The following UBE2H variants were observed in gnomAD, a reference collection of about 807,000 sequenced individuals.
UBE2H encodes the protein ubiquitin-conjugating enzyme E2 H.
A neutral mutation model predicts 29.0 loss-of-function variants in UBE2H; 3 were observed. The observed-to-expected ratio is 0.10, with a 90% CI of 0.05 to 0.27. The LOEUF (loss-of-function observed/expected upper bound fraction) is 0.27. Ranked by LOEUF, UBE2H falls within the 10% of genes least tolerant of loss-of-function variation. The pLI, the probability that UBE2H is intolerant of heterozygous loss-of-function variation, is 1.00. For missense variants in UBE2H, 68 were observed against 228.2 expected, an observed-to-expected ratio of 0.30 and a Z score of 4.52; for synonymous variants, 69 against 82.9, an observed-to-expected ratio of 0.83 and a Z score of 0.91.
chr7:129,856,752 T>G (rs576991573), intron 5 of UBE2H, among the ~76,000 whole-genome samples: 1 of 152,264 alleles, frequency 6.6e-6, no homozygotes, highest in Admixed American at 6.5e-5. Flanking sequence ...TCCATTCACA[T>G]GTGGTTTTCA....
At chr7:129,950,423 TTGTC>T (rs930718124) in intron 1 of UBE2H, among the ~76,000 whole-genome samples, 9 of 152,012 alleles carry the variant, frequency 5.9e-5, no homozygotes, top group African/African-American at 1.2e-4. Flanking sequence ...CTGCTGTTCT[TTGTC>T]TGTTTTCCTC....
chr7:129,906,771 A>T (rs1806826323), intron 1 of UBE2H, among the ~76,000 whole-genome samples: 1 of 152,134 alleles, frequency 6.6e-6, no homozygotes, highest in Non-Finnish European at 1.5e-5. Context: ...CACCCTCCTG[A>T]CCTCTTACCA....
chr7:129,832,831 A>G lies in UBE2H; in HGVS notation c.*2106T>C, dbSNP rs913360342. 1 of 152,164 alleles carries G rather than the reference A, an allele frequency of 6.6e-6. No homozygotes were observed. Among genetic ancestry groups the G allele is most frequent in the African/African-American group, 2.4e-5 (1 of 41,426 alleles). 9.4% of individuals were successfully genotyped at this position (152,164 alleles called of 1,614,324 possible). On this transcript the variant is annotated 3_prime_UTR_variant, in exon 7 of 7. Coordinates refer to ENST00000355621, the MANE Select transcript of UBE2H (RefSeq NM_003344.4). ...ATTTTTTATTGTTTGAACTCAAATC[A>G]CCACCCAGCACTTTAAGCCTACCCT...
rs116986720 is a variant in UBE2H at position 129,947,898 on chromosome 7, G to A, written c.53+4605C>T. 7.2e-5 allele frequency among the ~76,000 whole-genome samples: 11 copies of A among 152,178 alleles called. No homozygotes were observed. The East Asian group carries it at 2.1e-3, about 29-fold the overall frequency. On this transcript the variant is annotated intron_variant, in intron 1 of 6. Coordinates refer to ENST00000355621, the MANE Select transcript of UBE2H (RefSeq NM_003344.4). ...ATAAGAGTCTTGCTCTGTCGTCCAG[G>A]CTGGAGTGCAATGGTGTAATTTAGG...
rs200752515 is a variant in UBE2H, at chr7:129,952,700, CG to C, written c.-146del. The stretch of plus-strand genomic sequence containing the variant: ...CGGCGGTCCCGTCAGCCGCCGCCGC[CG>C]CCCCCCGCACGGGGGAACACCGGGC... On this transcript the variant is annotated 5_prime_UTR_variant, in exon 1 of 7. Transcript: ENST00000355621. The C allele has an allele frequency of 0.09, 81,181 of 903,256 alleles. 4,609 individuals carry two copies. Among genetic ancestry groups the C allele is most frequent in the Non-Finnish European group, 0.11 (69,711 of 658,848 alleles). The allele number at this position is 903,256 out of a possible 1,614,324, so 56.0% of individuals were successfully genotyped here. A position where few individuals can be genotyped will look rare whatever the true frequency, so the allele number is the denominator to read the frequency against.
At chr7:129,947,125 T>C (rs1807781160) in intron 1 of UBE2H, among the ~76,000 whole-genome samples, 1 of 152,252 alleles carries the variant, frequency 6.6e-6, no homozygotes, top group African/African-American at 2.4e-5. Flanking sequence ...CGAAACATTT[T>C]TTCCCAAAAA....
At chr7:129,855,440 T>C (rs571565606) in intron 5 of UBE2H, among the ~76,000 whole-genome samples, 42 of 152,342 alleles carry the variant, frequency 2.8e-4, no homozygotes, top group Admixed American at 7.8e-4. Flanking sequence ...AAAACCATCT[T>C]AAAAGGAATC....
rs148733223 is a variant in UBE2H, at chr7:129,857,668, T to G, written c.246-105A>C. On this transcript the variant is annotated intron_variant, in intron 4 of 6. Transcript: ENST00000355621. ...TCAAGAGAAATACTTCTAATAGATCTGTGAAAAAAAGAATCCCAATTGGGG... is the reference window on the plus strand; with the variant it reads ...TCAAGAGAAATACTTCTAATAGATCGGTGAAAAAAAGAATCCCAATTGGGG... 163 of 1,238,736 alleles carry G rather than the reference T, an allele frequency of 1.3e-4. No homozygotes were observed. In the African/African-American group the frequency reaches 2.0e-3, roughly 15 times the overall value. 76.7% of individuals were successfully genotyped at this position (1,238,736 alleles called of 1,614,324 possible).
intron 3 of UBE2H, among the ~76,000 whole-genome samples, chr7:129,871,196 C>T (rs6467267): frequency 0.19 from 28,746 of 152,138 alleles, 3,073 homozygotes; most frequent in African/African-American, 0.28. Context: ...ACGCCCAGCT[C>T]GCAGTAGGTA....
intron 5 of UBE2H, among the ~76,000 whole-genome samples, chr7:129,847,492 T>A (rs1805533360): frequency 6.6e-6 from 1 of 151,722 alleles, no homozygotes; most frequent in African/African-American, 2.4e-5. Flanking sequence ...CCAGCCTGGA[T>A]GACACAGTGA....
intron 3 of UBE2H, among the ~76,000 whole-genome samples, chr7:129,867,717 A>G (rs1563027534): frequency 3.7e-4 from 27 of 72,972 alleles, no homozygotes; most frequent in African/African-American, 1.3e-3. Context: ...AAAAAAAAAA[A>G]GAAAACCAAA....
chr7:129,846,346 A>AAATAATAATAATAAT (rs71175044), intron 5 of UBE2H, among the ~76,000 whole-genome samples: 21 of 146,392 alleles, frequency 1.4e-4, no homozygotes, highest in African/African-American at 2.8e-4. Context: ...GGTCTCTACA[A>AAATAATAATAATAAT]AATAATAATA....
At chr7:129,844,956 C>T (rs1433584062) in intron 5 of UBE2H, among the ~76,000 whole-genome samples, 1 of 152,204 alleles carries the variant, frequency 6.6e-6, no homozygotes, top group African/African-American at 2.4e-5. Context: ...TGGCAAAACC[C>T]TGTCTCTACT....
intron 1 of UBE2H, among the ~76,000 whole-genome samples, chr7:129,892,231 G>A (rs1453640432): frequency 6.6e-6 from 1 of 151,482 alleles, no homozygotes; most frequent in African/African-American, 2.4e-5. Context: ...TTATAGGCAT[G>A]AGCCACCGCA....
chr7:129,854,335 G>A (rs954361613), intron 5 of UBE2H, among the ~76,000 whole-genome samples: 1 of 152,098 alleles, frequency 6.6e-6, no homozygotes, highest in Non-Finnish European at 1.5e-5. Context: ...AAAACTTTCC[G>A]TGAAAGAAAT....
At chr7:129,858,833 A>C in intron 4 of UBE2H, 69 bp downstream of exon 4, 1 of 1,460,432 alleles carries the variant, frequency 6.8e-7, no homozygotes, top group African/African-American at 1.4e-5. Context: ...GAGGCTTTTT[A>C]TAACACAGAG....
At chr7:129,840,018 A>T (rs1181415363) in intron 5 of UBE2H, among the ~76,000 whole-genome samples, 1 of 152,014 alleles carries the variant, frequency 6.6e-6, no homozygotes, top group Non-Finnish European at 1.5e-5. Context: ...CCTTGAACAC[A>T]ATTTTATAGG....
chr7:129,890,413 CTT>C (rs1320914072), intron 1 of UBE2H, among the ~76,000 whole-genome samples: 1 of 151,572 alleles, frequency 6.6e-6, no homozygotes, highest in East Asian at 1.9e-4. Flanking sequence ...GAGTTTTGCT[CTT>C]GTTGCCCAGG....
At chr7:129,934,470 T>C (rs944296314) in intron 1 of UBE2H, among the ~76,000 whole-genome samples, 3 of 150,216 alleles carry the variant, frequency 2.0e-5, no homozygotes, top group African/African-American at 7.3e-5. Flanking sequence ...AAACCCTGTC[T>C]CTACTAAAAC....
Sources: allele counts gnomAD v4.1 joint callset (sites outside exome capture counted in the v4.1 genomes callset), GRCh38; gene constraint gnomAD v4.1.1; transcripts MANE v1.5; gene names NCBI Gene and HGNC (gene_info 2026-07-23, HGNC 2026-07-21).